Variants in FMN2 observed in about 807,000 individuals in gnomAD.
FMN2 encodes the protein formin 2, also known as formin-2.
FMN2 carries 51 observed loss-of-function variants against 142.3 expected under a neutral mutation model. That is an observed-to-expected ratio of 0.36 (90% CI 0.29 to 0.45). FMN2 has a LOEUF of 0.45. Ranked by LOEUF, FMN2 falls within the 20% of genes least tolerant of loss-of-function variation. The probability of loss-of-function intolerance (pLI) is 1.00; values close to 1 mark genes in which losing one functional copy is unlikely to be tolerated. For synonymous variants in FMN2, 882 were observed against 869.8 expected (o/e 1.01, Z -0.25); for missense variants, 1,936 against 2,122.8 (o/e 0.91, Z 1.73).
intron 14 of FMN2, among the ~76,000 whole-genome samples, chr1:240,381,386 AAAT>A (rs1673221475): frequency 6.6e-6 from 1 of 151,946 alleles, no homozygotes; most frequent in African/African-American, 2.4e-5. Flanking sequence ...ACATGTCAAT[AAAT>A]AATAATTTAC....
At chr1:240,216,036 A>G (rs752646228) in intron 6 of FMN2, among the ~76,000 whole-genome samples, 1 of 152,206 alleles carries the variant, frequency 6.6e-6, no homozygotes, top group Non-Finnish European at 1.5e-5. Context: ...TGACAAGTAT[A>G]TAAACTGTGG....
At chr1:240,158,604 C>A (rs908530088) in intron 2 of FMN2, among the ~76,000 whole-genome samples, 6 of 152,236 alleles carry the variant, frequency 3.9e-5, no homozygotes, top group African/African-American at 1.2e-4. Context: ...ATCTCCCCCC[C>A]ACCACGCCTG....
At chr1:240,151,284 A>G (rs556282271) in intron 2 of FMN2, among the ~76,000 whole-genome samples, 1 of 152,328 alleles carries the variant, frequency 6.6e-6, no homozygotes, top group South Asian at 2.1e-4. Flanking sequence ...CTAAGCACCA[A>G]CAAGTCACCC....
At chr1:240,224,432 ATGTGGTGCT>A (rs1338755671) in intron 6 of FMN2, among the ~76,000 whole-genome samples, 1 of 151,656 alleles carries the variant, frequency 6.6e-6, no homozygotes, top group African/African-American at 2.4e-5. Flanking sequence ...AATAAGTGCG[ATGTGGTGCT>A]GAGAAGAATG....
At chr1:240,334,439 T>C (rs1237363578) in intron 13 of FMN2, among the ~76,000 whole-genome samples, 2 of 152,252 alleles carry the variant, frequency 1.3e-5, no homozygotes, top group African/African-American at 2.4e-5. Flanking sequence ...TTAAGTAATA[T>C]CTTGGTTATT....
rs1303490550 is a variant in FMN2, at chr1:240,150,129, G to T, written c.1782+26784G>T. Among the ~76,000 whole-genome samples the T allele has an allele frequency of 3.3e-5, 5 of 152,128 alleles. No individual in the cohort carries two copies. The East Asian group carries it at 9.6e-4, about 29-fold the overall frequency. On this transcript the variant is annotated intron_variant, in intron 2 of 17. Coordinates refer to ENST00000319653, the MANE Select transcript of FMN2 (RefSeq NM_020066.5). The stretch of plus-strand genomic sequence containing the variant: ...TTTAATTAAGTTGTATTTGCTAAAG[G>T]TTATATGCTCCTTTAGCTAAATGAT...
At chr1:240,472,219 A>C (rs1218777780) in intron 16 of FMN2, 153 bp from the exon 17 acceptor site, 1 of 606,140 alleles carries the variant, frequency 1.6e-6, no homozygotes. Context: ...TGAGGCTTTC[A>C]ATTCAAATGT....
intron 8 of FMN2, among the ~76,000 whole-genome samples, chr1:240,309,479 A>G (rs1670529244): frequency 6.6e-6 from 1 of 152,132 alleles, no homozygotes; most frequent in Non-Finnish European, 1.5e-5. Flanking sequence ...GTGCAGGTGC[A>G]CAGTGCGTGG....
chr1:240,299,260 T>G (rs1321026766), intron 8 of FMN2, among the ~76,000 whole-genome samples: 1 of 152,178 alleles, frequency 6.6e-6, no homozygotes, highest in Non-Finnish European at 1.5e-5. Context: ...AGTTTTTATA[T>G]TCCATATTGA....
At chr1:240,235,097 A>G (rs1043170402) in intron 6 of FMN2, among the ~76,000 whole-genome samples, 2 of 152,220 alleles carry the variant, frequency 1.3e-5, no homozygotes, top group Non-Finnish European at 2.9e-5. Context: ...TGGTATTTAT[A>G]CAAACTAAAA....
At chr1:240,387,822 A>G (rs1015507556) in intron 14 of FMN2, among the ~76,000 whole-genome samples, 30 of 152,158 alleles carry the variant, frequency 2.0e-4, no homozygotes, top group African/African-American at 6.8e-4. Flanking sequence ...ATGTGGGCAT[A>G]AAGGAAAGAC....
chr1:240,455,826 T>A (rs1209031385), intron 16 of FMN2, among the ~76,000 whole-genome samples: 2 of 151,708 alleles, frequency 1.3e-5, no homozygotes, highest in African/African-American at 2.4e-5. Flanking sequence ...AATACAAAAA[T>A]TAGCCAGGCG....
chr1:240,093,267 G>T lies in FMN2; in HGVS notation c.1158G>T (p.Ala386=), dbSNP rs780571906. 11 of 1,596,308 alleles carry T rather than the reference G, an allele frequency of 6.9e-6. No homozygotes were observed. The highest frequency in any genetic ancestry group is 1.1e-5 in the South Asian group (1 of 88,680). The change falls in exon 1 of 18, where the codon GCG becomes GCT. Residue 386 remains alanine, a synonymous_variant. Transcript: ENST00000319653. ...QRLGEEPEEE[A]QGPDAPAAAS... is the part of the protein sequence containing the mutation. ...TGGGGGAAGAGCCGGAGGAGGAGGC[G>T]CAAGGACCTGACGCCCCCGCGGCCG...
chr1:240,240,469 G>A (rs1228431392), intron 6 of FMN2, among the ~76,000 whole-genome samples: 1 of 152,108 alleles, frequency 6.6e-6, no homozygotes, highest in African/African-American at 2.4e-5. Context: ...CTTTGTGGTT[G>A]TCATTAACCT....
chr1:240,146,077 A>AT (rs1469458178), intron 2 of FMN2, among the ~76,000 whole-genome samples: 4 of 152,090 alleles, frequency 2.6e-5, no homozygotes, highest in Admixed American at 2.6e-4. Context: ...GTTCAAAGTG[A>AT]TTTAAAAAAA....
intron 1 of FMN2, among the ~76,000 whole-genome samples, chr1:240,112,619 T>A (rs952194935): frequency 1.3e-5 from 2 of 152,364 alleles, no homozygotes; most frequent in East Asian, 3.9e-4. Flanking sequence ...AGCATTTATA[T>A]ACTTATAAAG....
At chr1:240,158,890 G>T (rs1246157853) in intron 2 of FMN2, among the ~76,000 whole-genome samples, 1 of 151,954 alleles carries the variant, frequency 6.6e-6, no homozygotes, top group South Asian at 2.1e-4. Flanking sequence ...GTTTCATATT[G>T]TATTTATTAT....
chr1:240,270,918 C>G (rs1668980344), intron 7 of FMN2, among the ~76,000 whole-genome samples: 1 of 151,678 alleles, frequency 6.6e-6, no homozygotes, highest in Non-Finnish European at 1.5e-5. Context: ...TCCTGCTGGT[C>G]TATTGCACAG....
intron 13 of FMN2, among the ~76,000 whole-genome samples, chr1:240,349,192 G>A (rs1672013556): frequency 6.6e-6 from 1 of 152,218 alleles, no homozygotes; most frequent in Admixed American, 6.5e-5. Context: ...CAAGCATCTT[G>A]CTGCCTACAT....
Sources: allele counts gnomAD v4.1 joint callset (sites outside exome capture counted in the v4.1 genomes callset), GRCh38; gene constraint gnomAD v4.1.1; transcripts MANE v1.5; gene names NCBI Gene and HGNC (gene_info 2026-07-23, HGNC 2026-07-21).